PHF14: variants seen among roughly 807,000 people sequenced by gnomAD.
The protein encoded by PHF14 is PHD finger protein 14.
A neutral mutation model predicts 117.9 loss-of-function variants in PHF14; 55 were observed. That is an observed-to-expected ratio of 0.47 (90% CI 0.38 to 0.58). The LOEUF is 0.58. PHF14 is among the 20% of genes least tolerant of loss of function. The probability of loss-of-function intolerance (pLI) is 0.00; values close to 1 mark genes in which losing one functional copy is unlikely to be tolerated. For synonymous variants in PHF14, 409 were observed against 368.6 expected, an observed-to-expected ratio of 1.11 and a Z score of -1.26; for missense variants, 978 against 1,122.2, an observed-to-expected ratio of 0.87 and a Z score of 1.84.
intron 14 of PHF14, among the ~76,000 whole-genome samples, chr7:11,054,711 A>C: frequency 6.6e-6 from 1 of 152,238 alleles, no homozygotes; most frequent in East Asian, 1.9e-4. Context: ...TACCTTTTGC[A>C]ATATATAACT....
At chr7:11,014,981 C>G (rs1315978120) in intron 5 of PHF14, 3 of 142,690 alleles carry the variant, frequency 2.1e-5, no homozygotes, top group Non-Finnish European at 3.0e-5. Flanking sequence ...AGATCACGCT[C>G]TGCCTCTTCC....
chr7:11,022,479 AG>A (rs973368755), intron 5 of PHF14, among the ~76,000 whole-genome samples: 5 of 152,290 alleles, frequency 3.3e-5, no homozygotes, highest in African/African-American at 1.2e-4. Flanking sequence ...TAATTCTCAA[AG>A]GGTTTGAAAT....
At chr7:11,009,035 CAAA>C (rs35700406) in intron 4 of PHF14, among the ~76,000 whole-genome samples, 7 of 101,524 alleles carry the variant, frequency 6.9e-5, no homozygotes, top group South Asian at 3.4e-4. Context: ...GACTCTGTCT[CAAA>C]AAAAAAAAAA....
intron 7 of PHF14, among the ~76,000 whole-genome samples, chr7:11,033,859 G>C (rs1671991963): frequency 6.6e-6 from 1 of 152,126 alleles, no homozygotes; most frequent in South Asian, 2.1e-4. Context: ...CATGTCATGA[G>C]AAAGCAGCTG....
intron 14 of PHF14, among the ~76,000 whole-genome samples, chr7:11,059,748 C>G (rs1785148313): frequency 6.6e-6 from 1 of 152,028 alleles, no homozygotes; most frequent in South Asian, 2.1e-4. Flanking sequence ...GCACTCCAGT[C>G]TGAGCAACAG....
At chr7:11,034,014 G>A (rs1489756448) in intron 7 of PHF14, among the ~76,000 whole-genome samples, 1 of 152,176 alleles carries the variant, frequency 6.6e-6, no homozygotes, top group African/African-American at 2.4e-5. Flanking sequence ...CCCATAGCCT[G>A]TAAATGATAG....
chr7:11,063,594 AATTT>A, intron 16 of PHF14: 1 of 957,048 alleles, frequency 1.0e-6, no homozygotes. Flanking sequence ...GTGTCTTACT[AATTT>A]TTTTTTTTTA....
rs1461960181 is a variant in PHF14 at position 11,130,885 on chromosome 7, A to G, written c.2772+19418A>G. On this transcript the variant is annotated intron_variant, in intron 17 of 17. Transcript: ENST00000634607. The surrounding 1 kb of genome is among the most constrained non-coding windows in gnomAD (Gnocchi z 4.2). ...CCACAGATCCTTTTGCTGTCTCCAT[A>G]GTTTTGCCTTTTCTGAATGTCATAT... Among the ~76,000 whole-genome samples the G allele has an allele frequency of 1.3e-5, 2 of 151,830 alleles. No individual in the cohort carries two copies. The highest frequency in any genetic ancestry group is 2.9e-5 in the Non-Finnish European group (2 of 67,890).
chr7:11,028,609 CTT>C, intron 6 of PHF14, 70 bp from the exon 7 acceptor site: 1 of 1,368,232 alleles, frequency 7.3e-7, no homozygotes, highest in Non-Finnish European at 1.0e-6. Context: ...TTAGTGGACA[CTT>C]TGTATGAGAA....
intron 16 of PHF14, among the ~76,000 whole-genome samples, chr7:11,091,740 G>A (rs868365768): frequency 3.3e-5 from 5 of 152,004 alleles, no homozygotes; most frequent in South Asian, 2.1e-4. Flanking sequence ...CCTGGGTGAC[G>A]GAGCGAGACC....
chr7:11,037,276 G>T (rs945649143), intron 10 of PHF14, among the ~76,000 whole-genome samples, 185 bp downstream of exon 10: 1 of 152,128 alleles, frequency 6.6e-6, no homozygotes, highest in Non-Finnish European at 1.5e-5. Context: ...CACTTTGTGT[G>T]CCAGGCATAA....
At chr7:11,006,173 A>C (rs767167134) in intron 4 of PHF14, among the ~76,000 whole-genome samples, 33 of 152,310 alleles carry the variant, frequency 2.2e-4, no homozygotes, top group Non-Finnish European at 3.8e-4. Context: ...CAATGCACAA[A>C]CTACTTGATA....
At chr7:11,111,527 T>C (rs886831611) in intron 17 of PHF14, 60 bp downstream of exon 17, 13 of 787,502 alleles carry the variant, frequency 1.7e-5, no homozygotes, top group Non-Finnish European at 2.6e-5. Context: ...AGCTTTCCCA[T>C]GTCACACAAT....
At chr7:11,073,924 C>T (rs111632425) in intron 16 of PHF14, among the ~76,000 whole-genome samples, 1,862 of 152,264 alleles carry the variant, frequency 0.012, 30 homozygotes, top group African/African-American at 0.043. Context: ...GGGCTCTGTG[C>T]ATCAGCTGGA....
chr7:11,056,474 C>A (rs1473695148), intron 14 of PHF14, among the ~76,000 whole-genome samples: 4 of 151,906 alleles, frequency 2.6e-5, no homozygotes, highest in Non-Finnish European at 5.9e-5. Flanking sequence ...TTTCATAACC[C>A]TGTTAACATA....
At chr7:11,049,002 A>G (rs1358592231) in intron 13 of PHF14, among the ~76,000 whole-genome samples, 1 of 152,214 alleles carries the variant, frequency 6.6e-6, no homozygotes, top group African/African-American at 2.4e-5. Flanking sequence ...GAACATAAGA[A>G]TAAAGAATGT....
chr7:11,006,760 T>A, intron 4 of PHF14: 1 of 735,142 alleles, frequency 1.4e-6, no homozygotes. Context: ...CGGATCTTCT[T>A]TTTTGGTGGC....
In PHF14 at chr7:11,150,821, A is replaced by G. The variant is rs548193336; in HGVS notation, c.2773-18595A>G. ...GGCTACTTAGATTCTAAGAGTTCAG[A>G]CTGGTATCAAAGTCTCAAATGTCTA... On this transcript the variant is annotated intron_variant, in intron 17 of 17. Coordinates refer to ENST00000634607, the MANE Select transcript of PHF14 (RefSeq NM_001007157.2). Among the ~76,000 whole-genome samples, 484 of 152,280 alleles carry G rather than the reference A, an allele frequency of 3.2e-3. 1 individual carries two copies. The highest frequency in any genetic ancestry group is 0.017 in the Middle Eastern group (5 of 294).
chr7:11,028,412 TAGTA>T (rs774246355), intron 6 of PHF14, among the ~76,000 whole-genome samples: 3 of 152,196 alleles, frequency 2.0e-5, no homozygotes, highest in Non-Finnish European at 4.4e-5. Flanking sequence ...GACTGGCACA[TAGTA>T]AGTCCTCAAA....
Sources: gnomAD v4.1 joint callset for allele counts (sites outside exome capture counted in the v4.1 genomes callset) on GRCh38, gnomAD v4.1.1 for gene constraint, Gnocchi (gnomAD v3.1) non-coding constraint, MANE v1.5 for transcripts, NCBI Gene and HGNC (gene_info 2026-07-23, HGNC 2026-07-21) for gene names.